SPAG16: variants seen among roughly 807,000 people sequenced by gnomAD.
SPAG16 encodes the protein sperm associated antigen 16.
A neutral mutation model predicts 80.4 loss-of-function variants in SPAG16; 86 were observed. That is an observed-to-expected ratio of 1.07 (90% CI 0.90 to 1.28). The LOEUF is 1.28. Among genes scored for constraint, SPAG16 ranks in the 50% most tolerant of loss-of-function variants. The probability of loss-of-function intolerance (pLI) is 0.00; values close to 1 mark genes in which losing one functional copy is unlikely to be tolerated. For missense variants in SPAG16, 870 were observed against 765.3 expected, an observed-to-expected ratio of 1.14 and a Z score of -1.61; for synonymous variants, 294 against 265.9, an observed-to-expected ratio of 1.11 and a Z score of -1.03.
In SPAG16 at chr2:214,306,944, G is replaced by A. The variant is rs147657962; in HGVS notation, c.1721-103196G>A. Among the ~76,000 whole-genome samples, 272 of 152,198 alleles carry A rather than the reference G, an allele frequency of 1.8e-3. 2 individuals carry two copies. Among genetic ancestry groups the A allele is most frequent in the African/African-American group, 5.9e-3 (246 of 41,552 alleles). On this transcript the variant is annotated intron_variant, in intron 15 of 15. Coordinates refer to ENST00000331683, the MANE Select transcript of SPAG16 (RefSeq NM_024532.5). ...TCCCTCCCCTCAGTTTTTTGGAGTG[G>A]TTTCAGTAGGAATGGCACTAGCTCT...
At chr2:213,819,277 C>T (rs2072779292) in intron 10 of SPAG16, among the ~76,000 whole-genome samples, 1 of 152,166 alleles carries the variant, frequency 6.6e-6, no homozygotes, top group South Asian at 2.1e-4. Context: ...GATATTCAAG[C>T]TATTTTATTT....
intron 10 of SPAG16, among the ~76,000 whole-genome samples, chr2:213,597,334 C>G (rs1173590452): frequency 6.6e-6 from 1 of 152,108 alleles, no homozygotes; most frequent in Non-Finnish European, 1.5e-5. Flanking sequence ...TATAGTCTTC[C>G]TACAGCATTG....
intron 10 of SPAG16, among the ~76,000 whole-genome samples, chr2:213,546,160 T>C (rs141406064): frequency 9.9e-4 from 150 of 152,216 alleles, no homozygotes; most frequent in African/African-American, 3.2e-3. Context: ...AGTCAATTTC[T>C]CTACTTTTAC....
At chr2:214,221,824 T>C (rs2058578384) in intron 15 of SPAG16, among the ~76,000 whole-genome samples, 1 of 152,180 alleles carries the variant, frequency 6.6e-6, no homozygotes, top group South Asian at 2.1e-4. Flanking sequence ...TACATTCTTC[T>C]TATGTTTGGG....
At chr2:213,625,170 A>G (rs1459326724) in intron 10 of SPAG16, among the ~76,000 whole-genome samples, 1 of 152,218 alleles carries the variant, frequency 6.6e-6, no homozygotes, top group Non-Finnish European at 1.5e-5. Flanking sequence ...TCACAAAGCT[A>G]TAAAGACATA....
chr2:214,016,058 G>C (rs1031073111), intron 13 of SPAG16, among the ~76,000 whole-genome samples: 2 of 152,144 alleles, frequency 1.3e-5, no homozygotes, highest in Non-Finnish European at 2.9e-5. Flanking sequence ...GTCTAGGAAT[G>C]AGGGTTTTCC....
intron 13 of SPAG16, among the ~76,000 whole-genome samples, chr2:214,054,835 T>C (rs532535164): frequency 1.3e-5 from 2 of 152,314 alleles, no homozygotes; most frequent in African/African-American, 2.4e-5. Flanking sequence ...GTGTTTATTA[T>C]CATGAAGAAT....
Position 214,340,304 on chromosome 2 carries a change from T to G in SPAG16, c.1721-69836T>G, listed in dbSNP as rs535834778. ...ACGTATACATCCTTTCTTCATACAT[T>G]TAACATACCCTTTCACCTGCCCCAG... is the stretch of plus-strand genomic sequence containing the variant. On this transcript the variant is annotated intron_variant, in intron 15 of 15. Transcript: ENST00000331683. Among the ~76,000 whole-genome samples, 51 of 152,340 alleles carry G rather than the reference T, an allele frequency of 3.3e-4. No individual in the cohort carries two copies. The South Asian group carries it at 9.5e-3, about 28-fold the overall frequency.
chr2:213,802,585 C>T (rs925324290), intron 10 of SPAG16, among the ~76,000 whole-genome samples: 2 of 152,186 alleles, frequency 1.3e-5, no homozygotes, highest in African/African-American at 4.8e-5. Context: ...AGCACCTACC[C>T]TAATTCTGAA....
intron 15 of SPAG16, among the ~76,000 whole-genome samples, chr2:214,341,529 G>T (rs544560024): frequency 3.9e-5 from 6 of 152,096 alleles, no homozygotes; most frequent in Non-Finnish European, 8.8e-5. Flanking sequence ...AAAAGCTTCT[G>T]AGATTTCAAA....
intron 10 of SPAG16, among the ~76,000 whole-genome samples, chr2:213,637,998 C>A (rs1055358958): frequency 2.0e-5 from 3 of 152,194 alleles, no homozygotes; most frequent in African/African-American, 7.2e-5. Flanking sequence ...ACCTCGTGAT[C>A]CGCCCGTCTT....
At chr2:213,858,668 A>G (rs560065150) in intron 10 of SPAG16, among the ~76,000 whole-genome samples, 24 of 152,120 alleles carry the variant, frequency 1.6e-4, no homozygotes, top group Non-Finnish European at 3.1e-4. Context: ...GAATGAATTT[A>G]TGTATGCAAT....
chr2:213,320,217 T>TA (rs1362600663), intron 5 of SPAG16, among the ~76,000 whole-genome samples: 1 of 151,990 alleles, frequency 6.6e-6, no homozygotes, highest in Admixed American at 6.6e-5. Context: ...TTTTTATTGA[T>TA]ACATCATAAT....
chr2:213,682,090 T>C (rs550357944), intron 10 of SPAG16, among the ~76,000 whole-genome samples: 52 of 152,300 alleles, frequency 3.4e-4, no homozygotes, highest in Non-Finnish European at 4.9e-4. Flanking sequence ...CAGTTTCAAA[T>C]AGGCTTATGT....
chr2:214,029,274 C>A (rs2125042513), intron 13 of SPAG16, among the ~76,000 whole-genome samples: 2 of 151,890 alleles, frequency 1.3e-5, no homozygotes, highest in East Asian at 3.9e-4. Flanking sequence ...CAAGGAGCAG[C>A]AGGAGTGGAT....
chr2:214,376,459 A>C (rs972540961), intron 15 of SPAG16, among the ~76,000 whole-genome samples: 1 of 152,160 alleles, frequency 6.6e-6, no homozygotes, highest in Non-Finnish European at 1.5e-5. Context: ...CATTTCTTCA[A>C]ACTCTGCCTG....
At chr2:213,950,669 C>CCTCCTTCCTTCT in intron 12 of SPAG16, among the ~76,000 whole-genome samples, 2 of 149,178 alleles carry the variant, frequency 1.3e-5, no homozygotes, top group Non-Finnish European at 3.0e-5. Flanking sequence ...TCCCTCCCTC[C>CCTCCTTCCTTCT]CTCCTTCCTT....
At chr2:213,407,759 C>CAGGAGAGAGAG (rs2068717679) in intron 9 of SPAG16, among the ~76,000 whole-genome samples, 3 of 113,258 alleles carry the variant, frequency 2.6e-5, no homozygotes, top group Non-Finnish European at 5.4e-5. Context: ...CAGAGAGAGA[C>CAGGAGAGAGAG]AGGAGAGAGG....
At chr2:214,290,124 T>C (rs970049824) in intron 15 of SPAG16, among the ~76,000 whole-genome samples, 2 of 152,174 alleles carry the variant, frequency 1.3e-5, no homozygotes, top group East Asian at 3.8e-4. Flanking sequence ...GGTTTTTTTT[T>C]ACTTTTTCCT....
Sources: gnomAD v4.1 joint callset for allele counts (sites outside exome capture counted in the v4.1 genomes callset) on GRCh38, gnomAD v4.1.1 for gene constraint, MANE v1.5 for transcripts, NCBI Gene and HGNC (gene_info 2026-07-23, HGNC 2026-07-21) for gene names.